The following CDH18 variants were observed in gnomAD, a reference collection of about 807,000 sequenced individuals.
CDH18 encodes cadherin-18.
CDH18 carries 31 observed loss-of-function variants against 67.9 expected under a neutral mutation model. That is an observed-to-expected ratio of 0.46 (90% CI 0.34 to 0.62). The LOEUF is 0.62. CDH18 is among the 20% of genes least tolerant of loss of function. The probability of loss-of-function intolerance (pLI) is 0.01; values close to 1 mark genes in which losing one functional copy is unlikely to be tolerated. For synonymous variants in CDH18, 362 were observed against 347.2 expected, an observed-to-expected ratio of 1.04 and a Z score of -0.48; for missense variants, 890 against 975.5, an observed-to-expected ratio of 0.91 and a Z score of 1.17.
At chr5:19,602,201 T>C (rs988889747) in intron 6 of CDH18, among the ~76,000 whole-genome samples, 3 of 151,968 alleles carry the variant, frequency 2.0e-5, no homozygotes, top group Admixed American at 6.6e-5. Context: ...TAGAAAGCCA[T>C]AGGGAGTACA....
chr5:19,817,966 T>C (rs1243921379), intron 3 of CDH18, among the ~76,000 whole-genome samples: 1 of 152,170 alleles, frequency 6.6e-6, no homozygotes, highest in African/African-American at 2.4e-5. Flanking sequence ...CTCTAAAATA[T>C]AAATTTTATA....
intron 3 of CDH18, among the ~76,000 whole-genome samples, chr5:19,789,897 T>C (rs895693752): frequency 6.6e-6 from 1 of 151,908 alleles, no homozygotes; most frequent in African/African-American, 2.4e-5. Context: ...GGTGTATATA[T>C]TGTATACATT....
At chr5:20,053,350 C>T (rs2150494216) in intron 2 of CDH18, among the ~76,000 whole-genome samples, 1 of 151,618 alleles carries the variant, frequency 6.6e-6, no homozygotes, top group South Asian at 2.1e-4. Flanking sequence ...TCTTTAGGTT[C>T]CTTTTAAGGT....
At chr5:19,763,651 T>C (rs753748026) in intron 3 of CDH18, among the ~76,000 whole-genome samples, 3 of 152,100 alleles carry the variant, frequency 2.0e-5, no homozygotes, top group Admixed American at 6.6e-5. Context: ...TTAGAGAACA[T>C]TGACACAAAG....
At chr5:20,292,730 T>C (rs992660431) in intron 1 of CDH18, among the ~76,000 whole-genome samples, 30 of 152,280 alleles carry the variant, frequency 2.0e-4, no homozygotes, top group African/African-American at 5.8e-4. Context: ...ACTTGTCTTA[T>C]AGAAGCGTCA....
chr5:20,117,131 T>A (rs1208797535), intron 2 of CDH18, among the ~76,000 whole-genome samples: 1 of 152,134 alleles, frequency 6.6e-6, no homozygotes, highest in Admixed American at 6.6e-5. Flanking sequence ...TAATCAAACA[T>A]GTTTTACATT....
intron 2 of CDH18, among the ~76,000 whole-genome samples, chr5:19,923,196 C>T (rs1172080521): frequency 6.6e-6 from 1 of 152,134 alleles, no homozygotes; most frequent in Non-Finnish European, 1.5e-5. Flanking sequence ...GCCCAGTTTT[C>T]AAACTATCTC....
chr5:20,252,413 A>T (rs922787995), intron 2 of CDH18, among the ~76,000 whole-genome samples: 1 of 152,130 alleles, frequency 6.6e-6, no homozygotes, highest in Admixed American at 6.6e-5. Flanking sequence ...TATTTTATCA[A>T]CTATCAATTT....
intron 5 of CDH18, among the ~76,000 whole-genome samples, chr5:19,650,219 G>A (rs1755374559): frequency 6.6e-6 from 1 of 151,882 alleles, no homozygotes; most frequent in Non-Finnish European, 1.5e-5. Flanking sequence ...GTTTAATTAA[G>A]GTTGCTTTCT....
chr5:19,982,634 T>C (rs899198291), intron 1 of CDH18, among the ~76,000 whole-genome samples: 7 of 152,172 alleles, frequency 4.6e-5, no homozygotes, highest in Non-Finnish European at 8.8e-5. Context: ...TCACAATGGG[T>C]TGCAAATTGC....
intron 1 of CDH18, among the ~76,000 whole-genome samples, chr5:20,556,118 A>G (rs761057400): frequency 6.6e-6 from 1 of 152,182 alleles, no homozygotes; most frequent in Non-Finnish European, 1.5e-5. Context: ...ATTGTTCTAC[A>G]TATCACTAAT....
chr5:19,671,805 T>C (rs982482431), intron 5 of CDH18, among the ~76,000 whole-genome samples: 9 of 152,108 alleles, frequency 5.9e-5, no homozygotes, highest in Admixed American at 5.9e-4. Context: ...TGCAAAGACC[T>C]AGAAATGGCT....
rs1207512229 is a variant in CDH18 at position 20,370,444 on chromosome 5, T to G, written c.-579-114939A>C. 2.6e-5 allele frequency among the ~76,000 whole-genome samples: 4 copies of G among 152,188 alleles called. 1 individual carries two copies. ...AACTCAGGGAAATGATACTAGCTGG[T>G]AGCAGTGCTGAGGCTTTTTGTCTAG... is the stretch of plus-strand genomic sequence containing the variant. On this transcript the variant is annotated intron_variant, in intron 1 of 14. Transcript: ENST00000507958.
intron 3 of CDH18, among the ~76,000 whole-genome samples, chr5:19,828,835 G>A (rs1353437350): frequency 4.6e-5 from 7 of 152,064 alleles, no homozygotes; most frequent in African/African-American, 1.2e-4. Flanking sequence ...TCAGGAGTTC[G>A]AGACCAGCCC....
intron 5 of CDH18, among the ~76,000 whole-genome samples, chr5:19,709,224 T>C (rs1764380082): frequency 6.6e-6 from 1 of 152,040 alleles, no homozygotes; most frequent in African/African-American, 2.4e-5. Context: ...TGGGGAACTT[T>C]CTTCTGATAC....
intron 1 of CDH18, among the ~76,000 whole-genome samples, chr5:20,261,387 T>C (rs973418461): frequency 1.3e-5 from 2 of 150,942 alleles, no homozygotes; most frequent in Non-Finnish European, 3.0e-5. Context: ...TATGAGTAAT[T>C]ATTTATCCTT....
intron 8 of CDH18, among the ~76,000 whole-genome samples, chr5:19,561,403 C>T (rs986832380): frequency 1.3e-5 from 2 of 152,034 alleles, no homozygotes; most frequent in Admixed American, 6.6e-5. Flanking sequence ...TTCAATAACT[C>T]GGGAATGGAA....
At chr5:19,753,280 T>TA (rs1392968368) in intron 3 of CDH18, among the ~76,000 whole-genome samples, 2 of 151,736 alleles carry the variant, frequency 1.3e-5, no homozygotes, top group Non-Finnish European at 2.9e-5. Flanking sequence ...TAAATAACAA[T>TA]AAAAAAAGAT....
intron 1 of CDH18, among the ~76,000 whole-genome samples, chr5:20,446,373 C>A (rs1179561903): frequency 6.6e-6 from 1 of 152,060 alleles, no homozygotes; most frequent in African/African-American, 2.4e-5. Flanking sequence ...TTCTTCCCAG[C>A]TGCTAGTGTC....
Sources: allele counts gnomAD v4.1 joint callset (sites outside exome capture counted in the v4.1 genomes callset), GRCh38; gene constraint gnomAD v4.1.1; transcripts MANE v1.5; gene names NCBI Gene and HGNC (gene_info 2026-07-23, HGNC 2026-07-21).